Variants in SEMA3A observed in about 807,000 individuals in gnomAD.
SEMA3A encodes semaphorin 3A.
A neutral mutation model predicts 97.9 loss-of-function variants in SEMA3A; 29 were observed. The observed-to-expected ratio is 0.30, with a 90% CI of 0.22 to 0.40. The LOEUF (loss-of-function observed/expected upper bound fraction) is 0.40. Among genes scored for constraint, SEMA3A ranks in the 10% least tolerant of loss-of-function variants. The probability of loss-of-function intolerance (pLI) is 1.00; values close to 1 mark genes in which losing one functional copy is unlikely to be tolerated. For synonymous variants in SEMA3A, 321 were observed against 323.7 expected (o/e 0.99, Z 0.09); for missense variants, 763 against 951.3 (o/e 0.80, Z 2.60).
intron 3 of SEMA3A, among the ~76,000 whole-genome samples, chr7:84,256,079 T>C (rs953569798): frequency 1.3e-5 from 2 of 152,042 alleles, no homozygotes; most frequent in Non-Finnish European, 2.9e-5. Flanking sequence ...TCTCTGTATG[T>C]TTGATTGTGT....
At chr7:84,062,728 G>A (rs370613001) in intron 4 of SEMA3A, among the ~76,000 whole-genome samples, 3 of 152,298 alleles carry the variant, frequency 2.0e-5, no homozygotes, top group South Asian at 2.1e-4. Context: ...AAAAAACGGC[G>A]CATCACGAGA....
intron 3 of SEMA3A, among the ~76,000 whole-genome samples, chr7:84,274,721 G>T (rs1199598407): frequency 6.6e-6 from 1 of 151,918 alleles, no homozygotes; most frequent in African/African-American, 2.4e-5. Context: ...GATAAGCAGG[G>T]TGATCAAAAG....
chr7:84,351,879 T>G (rs2116027793), intron 2 of SEMA3A, among the ~76,000 whole-genome samples: 1 of 152,064 alleles, frequency 6.6e-6, no homozygotes, highest in Middle Eastern at 3.4e-3. Flanking sequence ...GGTATATACC[T>G]GAAAGAAAGG....
chr7:84,392,658 C>A (rs535571752), intron 1 of SEMA3A, among the ~76,000 whole-genome samples: 2 of 152,164 alleles, frequency 1.3e-5, no homozygotes, highest in South Asian at 2.1e-4. Flanking sequence ...TAATGCTTTT[C>A]CTAATTTACT....
intron 2 of SEMA3A, among the ~76,000 whole-genome samples, chr7:84,322,706 G>A (rs1801677912): frequency 6.6e-6 from 1 of 152,110 alleles, no homozygotes; most frequent in Admixed American, 6.5e-5. Context: ...ATAAGTCTCA[G>A]GTGTGTCTTC....
At chr7:84,286,166 T>G (rs2115764473) in intron 3 of SEMA3A, among the ~76,000 whole-genome samples, 1 of 152,200 alleles carries the variant, frequency 6.6e-6, no homozygotes, top group East Asian at 1.9e-4. Flanking sequence ...AAAATACATC[T>G]TAGTGGACTT....
intron 2 of SEMA3A, among the ~76,000 whole-genome samples, chr7:84,311,303 T>C (rs1049949617): frequency 2.6e-5 from 4 of 152,002 alleles, no homozygotes; most frequent in African/African-American, 9.6e-5. Flanking sequence ...TTCAAAAATA[T>C]CTAACAAATA....
intron 3 of SEMA3A, among the ~76,000 whole-genome samples, chr7:84,270,349 C>T (rs55702202): frequency 0.072 from 10,891 of 151,856 alleles, 543 homozygotes; most frequent in Non-Finnish European, 0.084. Flanking sequence ...TATTTACCTA[C>T]TGTGCAAGAG....
chr7:83,961,026 C>T lies in SEMA3A; in HGVS notation c.*345G>A, dbSNP rs940644294. 3.7e-6 allele frequency: 1 copy of T among 269,964 alleles called. No individual in the cohort carries two copies. Among genetic ancestry groups the T allele is most frequent in the Non-Finnish European group, 7.1e-6 (1 of 140,752 alleles). 16.7% of individuals were successfully genotyped at this position (269,964 alleles called of 1,614,324 possible). On this transcript the variant is annotated 3_prime_UTR_variant, in exon 17 of 17. Transcript: ENST00000265362. ...GTTCAATACAATGGCTTTGCTGATGCAGTTTTTCTCCTTTAGATGGCAATA... is the reference window on the plus strand; with the variant it reads ...GTTCAATACAATGGCTTTGCTGATGTAGTTTTTCTCCTTTAGATGGCAATA...
rs1446599545 is a variant in SEMA3A at position 84,178,584 on chromosome 7, C to T, written c.112+15891G>A. 2.6e-5 allele frequency among the ~76,000 whole-genome samples: 4 copies of T among 152,170 alleles called. No individual in the cohort carries two copies. In the South Asian group the frequency reaches 6.2e-4, roughly 24 times the overall value. On this transcript the variant is annotated intron_variant, in intron 1 of 16. Transcript: ENST00000265362. ...AATCTCTCTGATTCCTAAAACCAAGCTGTTAATTACTATACTGATTACAAC... is the reference window on the plus strand; with the variant it reads ...AATCTCTCTGATTCCTAAAACCAAGTTGTTAATTACTATACTGATTACAAC...
At chr7:84,018,543 A>T (rs538534273) in intron 6 of SEMA3A, among the ~76,000 whole-genome samples, 1 of 152,288 alleles carries the variant, frequency 6.6e-6, no homozygotes, top group African/African-American at 2.4e-5. Flanking sequence ...GCTTAGAAAA[A>T]AATGCCATGG....
At chr7:84,184,720 CA>C (rs1439175745) in intron 1 of SEMA3A, among the ~76,000 whole-genome samples, 1 of 151,952 alleles carries the variant, frequency 6.6e-6, no homozygotes, top group Non-Finnish European at 1.5e-5. Flanking sequence ...GCATAACTTT[CA>C]CTCTGGAGCT....
At chr7:84,375,692 A>G (rs1301805271) in intron 1 of SEMA3A, among the ~76,000 whole-genome samples, 4 of 152,206 alleles carry the variant, frequency 2.6e-5, no homozygotes, top group Non-Finnish European at 5.9e-5. Context: ...AGTGTTGGGA[A>G]TATTCAAAAT....
At chr7:84,184,596 G>A (rs757116355) in intron 1 of SEMA3A, among the ~76,000 whole-genome samples, 1 of 151,766 alleles carries the variant, frequency 6.6e-6, no homozygotes, top group Non-Finnish European at 1.5e-5. Flanking sequence ...GTAAAAAGGT[G>A]GGGGTATGGG....
Position 84,287,454 on chromosome 7 carries a change from A to G in SEMA3A, c.-83+19753T>C, listed in dbSNP as rs1026868250. Among the ~76,000 whole-genome samples the G allele has an allele frequency of 3.9e-5, 6 of 152,276 alleles. No homozygotes were observed. The South Asian group carries it at 1.2e-3, about 32-fold the overall frequency. ...ATTCCAAAAGAGCATGTATTTCAGA[A>G]GTCTTTCTAATTGGAAGAATGGATT... On this transcript the variant is annotated intron_variant, in intron 3 of 3. Transcript: ENST00000424555.
chr7:84,052,389 T>C (rs1285485307), intron 5 of SEMA3A, among the ~76,000 whole-genome samples: 5 of 152,172 alleles, frequency 3.3e-5, no homozygotes, highest in South Asian at 2.1e-4. Context: ...CAATTTCAGA[T>C]CCTGTTATTG....
intron 1 of SEMA3A, among the ~76,000 whole-genome samples, chr7:84,164,509 G>A (rs1412930774): frequency 1.3e-5 from 2 of 151,980 alleles, no homozygotes; most frequent in African/African-American, 2.4e-5. Flanking sequence ...GGATAATCTT[G>A]TATATTTGTG....
rs377261705 is a variant in SEMA3A at position 84,312,872 on chromosome 7, TTATATATATATATATATATATATATATA to T, written c.-168-5608_-168-5581del. Reference sequence around the variant, plus strand: ...TTTCAGAGGATATTTTGGTGTTGTTTTATATATATATATATATATATATATATATATATATATATATATATATATACAC... The same window carrying T: ...TTTCAGAGGATATTTTGGTGTTGTTTTATATATATATATATATATATACAC... On this transcript the variant is annotated intron_variant, in intron 2 of 3. Transcript: ENST00000424555. Among the ~76,000 whole-genome samples, 165 of 48,852 alleles carry T rather than the reference TTATATATATATATATATATATATATATA, an allele frequency of 3.4e-3. 2 individuals are homozygous for T. The highest frequency in any genetic ancestry group is 0.014 in the African/African-American group (140 of 9,926). 32.0% of individuals were successfully genotyped at this position (48,852 alleles called of 152,430 possible).
intron 1 of SEMA3A, among the ~76,000 whole-genome samples, chr7:84,470,995 G>T (rs2116409861): frequency 6.6e-6 from 1 of 152,174 alleles, no homozygotes; most frequent in East Asian, 1.9e-4. Flanking sequence ...AAAGAGAGAT[G>T]GGCCTATTTT....
Sources: allele counts gnomAD v4.1 joint callset (sites outside exome capture counted in the v4.1 genomes callset), GRCh38; gene constraint gnomAD v4.1.1; transcripts MANE v1.5; gene names NCBI Gene and HGNC (gene_info 2026-07-23, HGNC 2026-07-21).